The following SYT12 variants were observed in gnomAD, a reference collection of about 807,000 sequenced individuals.
SYT12 encodes synaptotagmin-12.
A neutral mutation model predicts 39.5 loss-of-function variants in SYT12; 27 were observed. The observed-to-expected ratio is 0.68, with a 90% CI of 0.50 to 0.94. The LOEUF (loss-of-function observed/expected upper bound fraction) is 0.94. Among genes scored for constraint, SYT12 ranks in the 40% least tolerant of loss-of-function variants. The pLI, the probability that SYT12 is intolerant of heterozygous loss-of-function variation, is 0.00. For synonymous variants in SYT12, 233 were observed against 239.7 expected (o/e 0.97, Z 0.26); for missense variants, 536 against 572.6 (o/e 0.94, Z 0.65).
chr11:67,028,698 A>G (rs936430818), intron 1 of SYT12: 10 of 152,244 alleles, frequency 6.6e-5, no homozygotes, highest in African/African-American at 9.6e-5. Flanking sequence ...ACACTCCCCA[A>G]GGACTTTTTA....
At chr11:67,015,011 T>G (rs921709423) in intron 3 of SYT12, among the ~76,000 whole-genome samples, 1 of 152,204 alleles carries the variant, frequency 6.6e-6, no homozygotes, top group Non-Finnish European at 1.5e-5. Context: ...ACAGCTGCTT[T>G]CTTTGTCTAG....
intron 3 of SYT12, among the ~76,000 whole-genome samples, chr11:67,014,559 T>C (rs545285132): frequency 6.6e-6 from 1 of 152,268 alleles, no homozygotes; most frequent in South Asian, 2.1e-4. Context: ...GGCCGGTCTG[T>C]GAGCCAGGCA....
At chr11:67,025,231 C>A (rs1950164861) in intron 1 of SYT12, among the ~76,000 whole-genome samples, 1 of 152,206 alleles carries the variant, frequency 6.6e-6, no homozygotes, top group Non-Finnish European at 1.5e-5. Context: ...CCTACTACAA[C>A]CAGGCACAGT....
At chr11:67,038,248 C>A (rs1202239766) in intron 3 of SYT12, among the ~76,000 whole-genome samples, 1 of 151,938 alleles carries the variant, frequency 6.6e-6, no homozygotes, top group Admixed American at 6.6e-5. Context: ...CTCACTGCAA[C>A]CTCCGCCTCC....
chr11:67,012,295 C>T (rs1411862576), intron 3 of SYT12, among the ~76,000 whole-genome samples: 2 of 152,066 alleles, frequency 1.3e-5, no homozygotes, highest in Admixed American at 1.3e-4. Flanking sequence ...CGCTTGAACC[C>T]GGGAGGCGGA....
intron 4 of SYT12, among the ~76,000 whole-genome samples, chr11:67,040,694 C>T (rs1434803134): frequency 4.6e-5 from 7 of 151,786 alleles, no homozygotes; most frequent in South Asian, 2.1e-4. Context: ...AAAAATTAGC[C>T]GGGCGTGGTG....
Position 67,045,539 on chromosome 11 carries a change from C to T in SYT12, c.959-205C>T, listed in dbSNP as rs1854514131. ...GTGAGGCAGCTGCCTGAGCACAAAG[C>T]CCAGCCCTCACCTGACGTGCTGTGT... On this transcript the variant is annotated intron_variant, in intron 6 of 7. Transcript: ENST00000527043. The T allele has an allele frequency of 1.5e-5, 11 of 711,532 alleles. No individual in the cohort carries two copies. In the East Asian group the frequency reaches 3.2e-4, roughly 21 times the overall value. 44.1% of individuals were successfully genotyped at this position (711,532 alleles called of 1,614,324 possible). A position where few individuals can be genotyped will look rare whatever the true frequency, so the allele number is the denominator to read the frequency against.
chr11:67,046,025 G>A (rs1327607542), intron 7 of SYT12, 148 bp downstream of exon 7: 1 of 1,068,788 alleles, frequency 9.4e-7, no homozygotes, highest in South Asian at 1.6e-5. Context: ...GTGCCACTGG[G>A]GCCAGCCCTA....
At chr11:67,042,239 A>G (rs1278847096) in intron 4 of SYT12, among the ~76,000 whole-genome samples, 1 of 152,114 alleles carries the variant, frequency 6.6e-6, no homozygotes, top group Non-Finnish European at 1.5e-5. Flanking sequence ...AGATGGGTTA[A>G]TGTATGTGAA....
At chr11:67,012,186 C>G (rs1950017966) in intron 3 of SYT12, among the ~76,000 whole-genome samples, 2 of 151,638 alleles carry the variant, frequency 1.3e-5, no homozygotes, top group Admixed American at 1.3e-4. Context: ...GCCTGGCCAA[C>G]ATGGCGAAAC....
chr11:67,012,263 G>A (rs930537793), intron 3 of SYT12, among the ~76,000 whole-genome samples: 1 of 151,852 alleles, frequency 6.6e-6, no homozygotes, highest in Admixed American at 6.6e-5. Context: ...CCCAGCTACT[G>A]GGGAGGCTGA....
intron 7 of SYT12, 65 bp downstream of exon 7, chr11:67,045,942 T>C: frequency 6.3e-7 from 1 of 1,596,022 alleles, no homozygotes; most frequent in Non-Finnish European, 8.6e-7. Flanking sequence ...GCCGCATCTC[T>C]CCACCTTCTC....
chr11:67,012,528 T>A (rs1383443552), intron 3 of SYT12, among the ~76,000 whole-genome samples: 1 of 152,156 alleles, frequency 6.6e-6, no homozygotes, highest in African/African-American at 2.4e-5. Flanking sequence ...GCCTCTTCCA[T>A]CAGATTATGA....
At chr11:67,010,632 C>T (rs1591347783) in intron 2 of SYT12, among the ~76,000 whole-genome samples, 1 of 152,300 alleles carries the variant, frequency 6.6e-6, no homozygotes, top group South Asian at 2.1e-4. Context: ...CTGTGGCTGC[C>T]CTACATCCTG....
Position 67,045,801 on chromosome 11 carries a change from C to T in SYT12, c.1016C>T (p.Thr339Ile). 1.2e-6 allele frequency: 2 copies of T among 1,613,846 alleles called. No homozygotes were observed. The highest frequency in any genetic ancestry group is 1.7e-6 in the Non-Finnish European group (2 of 1,179,944). The change falls in exon 7 of 8, where the codon ACA becomes ATA. Residue 339 changes from threonine (T) to isoleucine (I), a missense_variant. Transcript: ENST00000527043. Reference protein sequence around the residue: ...QDGRKMSKKKTAVKRDDPNPV... With the variant: ...QDGRKMSKKKIAVKRDDPNPV... ...GGGAGGAAGATGAGCAAAAAGAAGACAGCCGTGAAGAGGGATGACCCCAAC... is the reference window on the plus strand; with the variant it reads ...GGGAGGAAGATGAGCAAAAAGAAGATAGCCGTGAAGAGGGATGACCCCAAC...
chr11:67,015,210 C>T (rs545457475), intron 3 of SYT12, among the ~76,000 whole-genome samples: 8 of 152,306 alleles, frequency 5.3e-5, no homozygotes, highest in South Asian at 2.1e-4. Context: ...GGAAAGGCAG[C>T]GCAGGTGTCT....
chr11:67,016,913 T>C (rs1327972821), intron 3 of SYT12, among the ~76,000 whole-genome samples: 1 of 152,170 alleles, frequency 6.6e-6, no homozygotes, highest in Non-Finnish European at 1.5e-5. Flanking sequence ...ACCAGCGCTG[T>C]TGAGGATTAC....
chr11:67,043,995 A>C, intron 5 of SYT12, 142 bp downstream of exon 5: 1 of 818,438 alleles, frequency 1.2e-6, no homozygotes, highest in Middle Eastern at 3.6e-4. Context: ...GACCTGAGCC[A>C]CATCCGAGGA....
intron 2 of SYT12, 200 bp downstream of exon 2, chr11:67,030,378 C>T: frequency 1.8e-6 from 1 of 552,290 alleles, no homozygotes; most frequent in Non-Finnish European, 3.2e-6. Flanking sequence ...GTCTCCTCAT[C>T]TTGCCACTCA....
Sources: allele counts gnomAD v4.1 joint callset (sites outside exome capture counted in the v4.1 genomes callset), GRCh38; gene constraint gnomAD v4.1.1; transcripts MANE v1.5; gene names NCBI Gene and HGNC (gene_info 2026-07-23, HGNC 2026-07-21).